Variants in S1PR3 observed in about 807,000 individuals in gnomAD.
The protein encoded by S1PR3 is sphingosine 1-phosphate receptor 3.
In S1PR3, 12 loss-of-function variants were observed where a neutral mutation model predicts 13.3. The ratio of observed to expected loss-of-function variants is 0.90; its 90% CI spans 0.58 to 1.46. The LOEUF (loss-of-function observed/expected upper bound fraction) is 1.46, where lower values mean the gene tolerates loss of function less well. S1PR3 is among the 40% of genes most tolerant of loss of function. The pLI is 0.00. For synonymous variants in S1PR3, 232 were observed against 214.0 expected (o/e 1.08, Z -0.73); for missense variants, 450 against 501.9 (o/e 0.90, Z 0.99).
Position 88,991,506 on chromosome 9 carries a change from G to C in S1PR3, c.-337G>C. The C allele has an allele frequency of 1.9e-6, 3 of 1,548,030 alleles. No homozygotes were observed. Among genetic ancestry groups the C allele is most frequent in the Non-Finnish European group, 2.6e-6 (3 of 1,146,012 alleles). On this transcript the variant is annotated 5_prime_UTR_variant, in exon 1 of 2. Transcript: ENST00000358157. The surrounding 1 kb of genome is among the most constrained non-coding windows in gnomAD (Gnocchi z 4.0). ...GCCGGTTCCGGGGACGGGCAACAGG[G>C]ACTCAGGGACCAGAAGGCGGCTGCA...
At position 88,991,903 on chromosome 9, in the gene S1PR3, ACAACGGG is replaced by A. The variant is rs1188817448; in HGVS notation, c.-148+210_-148+216del. ...CTTTTCCACCGCACCCGGAGCGTTT[ACAACGGG>A]CTGGAGCTGAATACCTGGATGAAAG... On this transcript the variant is annotated intron_variant, in intron 1 of 1. Coordinates refer to ENST00000358157, the MANE Select transcript of S1PR3 (RefSeq NM_005226.4). The surrounding 1 kb of genome is among the most constrained non-coding windows in gnomAD (Gnocchi z 4.0). The A allele has an allele frequency of 6.2e-7, 1 of 1,614,192 alleles. No homozygotes were observed. The highest frequency in any genetic ancestry group is 2.2e-5 in the East Asian group (1 of 44,872).
At chr9:88,991,415 G>C, upstream of S1PR3, 1 of 1,520,836 alleles carries the variant, frequency 6.6e-7, no homozygotes, top group Non-Finnish European at 8.9e-7. This position sits in a 1 kb window ranked among gnomAD's most constrained non-coding sequence, Gnocchi z 4.0. Flanking sequence ...GGCGGAGCGC[G>C]GGTCCCGCCC....
intron 1 of S1PR3, chr9:88,993,999 T>G (rs540483038): frequency 6.0e-6 from 1 of 167,008 alleles, no homozygotes; most frequent in South Asian, 2.1e-4. Flanking sequence ...GCTTCAAAAT[T>G]TTCCAGATAT....
chr9:88,991,388 G>GGGAGA, upstream of S1PR3: 1 of 1,424,404 alleles, frequency 7.0e-7, no homozygotes, highest in Non-Finnish European at 9.5e-7. The surrounding 1 kb of genome is among the most constrained non-coding windows in gnomAD (Gnocchi z 4.0). Context: ...GCGGGAGTCG[G>GGGAGA]GGGCGGCGAG....
chr9:88,992,084 T>G (rs1408715069), intron 1 of S1PR3: 9 of 1,540,956 alleles, frequency 5.8e-6, no homozygotes, highest in Non-Finnish European at 7.9e-6. Context: ...TAAACAATAT[T>G]CGCCGGAAAA....
chr9:88,991,393 G>C, upstream of S1PR3: 1 of 1,448,906 alleles, frequency 6.9e-7, no homozygotes, highest in Non-Finnish European at 9.3e-7. The surrounding 1 kb of genome is among the most constrained non-coding windows in gnomAD (Gnocchi z 4.0). Flanking sequence ...AGTCGGGGGC[G>C]GCGAGGGGAG....
intron 1 of S1PR3, chr9:88,999,348 A>G (rs920329311): frequency 9.2e-5 from 14 of 152,412 alleles, no homozygotes; most frequent in African/African-American, 3.1e-4. Context: ...CAGAAAATCC[A>G]GGTCCCCCAA....
rs1199642704 is a variant in S1PR3 at position 89,002,496 on chromosome 9, C to A, written c.*159C>A. ...CTTACAGAGGGGGCCCAAGGAATCA[C>A]CACCCCGCTTCAGTGTAAACAACGT... On this transcript the variant is annotated 3_prime_UTR_variant, in exon 2 of 2. Transcript: ENST00000358157. The A allele has an allele frequency of 1.2e-5, 10 of 836,982 alleles. No individual in the cohort carries two copies. The highest frequency in any genetic ancestry group is 1.7e-5 in the Non-Finnish European group (9 of 537,760). 51.8% of individuals were successfully genotyped at this position (836,982 alleles called of 1,614,324 possible).
At position 89,004,086 on chromosome 9, in the gene S1PR3, G is replaced by C. The variant is rs1015672881; in HGVS notation, c.*1749G>C. 6.0e-6 allele frequency: 1 copy of C among 165,786 alleles called. No individual in the cohort carries two copies. Among genetic ancestry groups the C allele is most frequent in the Non-Finnish European group, 1.5e-5 (1 of 68,100 alleles). The allele number at this position is 165,786 out of a possible 1,614,324, so 10.3% of individuals were successfully genotyped here. On this transcript the variant is annotated 3_prime_UTR_variant, in exon 2 of 2. Coordinates refer to ENST00000358157, the MANE Select transcript of S1PR3 (RefSeq NM_005226.4). ...CAGGGCATTTCTAGGACAGTAAAAC[G>C]TTAAAGTACTGGATTAAGAAAACAA...
chr9:89,001,122 C>A lies in S1PR3; in HGVS notation c.-79C>A. 1.3e-6 allele frequency: 2 copies of A among 1,519,420 alleles called. No homozygotes were observed. Among genetic ancestry groups the A allele is most frequent in the Non-Finnish European group, 8.9e-7 (1 of 1,118,092 alleles). 94.1% of individuals were successfully genotyped at this position (1,519,420 alleles called of 1,614,324 possible). ...TTGCTGAATGAAGCCGGAACCTCAG[C>A]CCCGCTTCCCTTTGAAATGAATGTT... On this transcript the variant is annotated 5_prime_UTR_variant, in exon 2 of 2. Transcript: ENST00000358157.
chr9:88,992,326 T>C (rs1825732148), intron 1 of S1PR3: 1 of 360,410 alleles, frequency 2.8e-6, no homozygotes, highest in Non-Finnish European at 5.1e-6. Context: ...CTTTGGACAC[T>C]CCCAATGGTA....
Position 89,001,850 on chromosome 9 carries a change from G to A in S1PR3, c.650G>A (p.Arg217His). 2.5e-6 allele frequency: 4 copies of A among 1,614,190 alleles called. No homozygotes were observed. The highest frequency in any genetic ancestry group is 1.3e-5 in the African/African-American group (1 of 75,042). Residue 217 changes from arginine (R) to histidine (H), a missense_variant, in exon 2 of 2, where the codon CGC (arginine) becomes CAC (histidine). Transcript: ENST00000358157. ...GTGACCATCGTGATCCTCTACGCAC[G>A]CATCTACTTCCTGGTGAAGTCCAGC... is the stretch of plus-strand genomic sequence containing the variant. ...ILVTIVILYARIYFLVKSSSR... is the reference protein window; with the variant it reads ...ILVTIVILYAHIYFLVKSSSR...
At chr9:88,993,143 G>A (rs1437103393) in intron 1 of S1PR3, 4 of 152,518 alleles carry the variant, frequency 2.6e-5, no homozygotes, top group Non-Finnish European at 5.9e-5. Flanking sequence ...ACAAAGGGTA[G>A]AGACTACAGT....
Position 88,991,940 on chromosome 9 carries a change from G to A in S1PR3, c.-148+245G>A. 6.2e-7 allele frequency: 1 copy of A among 1,614,266 alleles called. No homozygotes were observed. The highest frequency in any genetic ancestry group is 8.5e-7 in the Non-Finnish European group (1 of 1,180,048). Reference sequence around the variant, plus strand: ...AGCTGAATACCTGGATGAAAGTGGAGAGGCTGTTCGTGGAGAAGTTCCATC... The same window carrying A: ...AGCTGAATACCTGGATGAAAGTGGAAAGGCTGTTCGTGGAGAAGTTCCATC... On this transcript the variant is annotated intron_variant, in intron 1 of 1. Coordinates refer to ENST00000358157, the MANE Select transcript of S1PR3 (RefSeq NM_005226.4). The surrounding 1 kb of genome is among the most constrained non-coding windows in gnomAD (Gnocchi z 4.0).
rs546398741 is a variant in S1PR3, at chr9:89,001,418, G to A, written c.218G>A (p.Arg73His). 3 of 1,614,184 alleles carry A rather than the reference G, an allele frequency of 1.9e-6. No homozygotes were observed. Among genetic ancestry groups the A allele is most frequent in the South Asian group, 1.1e-5 (1 of 91,086 alleles). The change falls in exon 2 of 2, where the codon CGC becomes CAC. Residue 73 changes from arginine to histidine, a missense_variant. Physicochemically the swap from Arg to His is conservative, Grantham distance 29. Coordinates refer to ENST00000358157, the MANE Select transcript of S1PR3 (RefSeq NM_005226.4). ...TGGAAAAACAATAAATTTCACAACC[G>A]CATGTACTTTTTCATTGGCAACCTG... is the stretch of plus-strand genomic sequence containing the variant. ...AIWKNNKFHN[R>H]MYFFIGNLAL...
chr9:89,001,389 C>T lies in S1PR3; in HGVS notation c.189C>T (p.Ala63=), dbSNP rs781097409. 6 of 1,614,064 alleles carry T rather than the reference C, an allele frequency of 3.7e-6. No individual in the cohort carries two copies. The highest frequency in any genetic ancestry group is 5.1e-6 in the Non-Finnish European group (6 of 1,180,044). Residue 63 remains alanine, a synonymous_variant, in exon 2 of 2, where the codon GCC becomes GCT. Transcript: ENST00000358157. ...TGGAGAACCTGATGGTTTTGATTGC[C>T]ATCTGGAAAAACAATAAATTTCACA... ...IVLENLMVLI[A]IWKNNKFHNR...
At position 89,002,333 on chromosome 9, in the gene S1PR3, A is replaced by G. The variant is rs1825880299; in HGVS notation, c.1133A>G (p.Asn378Ser). The change falls in exon 2 of 2, where the codon AAC (asparagine) becomes AGC (serine). Residue 378 changes from asparagine to serine, a missense_variant. Coordinates refer to ENST00000358157, the MANE Select transcript of S1PR3 (RefSeq NM_005226.4). ...NAALQNGIFCN is the reference protein window; with the variant it reads ...NAALQNGIFCS ...GCACTTCAGAATGGGATCTTCTGCA[A>G]CTGATCGTCTCCATGCGCCCTGCTC... 6.2e-7 allele frequency: 1 copy of G among 1,613,780 alleles called. No individual in the cohort carries two copies. Among genetic ancestry groups the G allele is most frequent in the East Asian group, 2.2e-5 (1 of 44,864 alleles).
At position 89,002,006 on chromosome 9, in the gene S1PR3, G is replaced by A. The variant is rs376917575; in HGVS notation, c.806G>A (p.Cys269Tyr). 6.2e-7 allele frequency: 1 copy of A among 1,613,990 alleles called. No homozygotes were observed. The highest frequency in any genetic ancestry group is 8.5e-7 in the Non-Finnish European group (1 of 1,180,030). Residue 269 changes from cysteine (C) to tyrosine (Y), a missense_variant, in exon 2 of 2, where the codon TGC (cysteine) becomes TAC (tyrosine). By Grantham distance (194) the Cys-to-Tyr change is radical (BLOSUM62 -2). Coordinates refer to ENST00000358157, the MANE Select transcript of S1PR3 (RefSeq NM_005226.4). ...LFILFLIDVA[C>Y]RVQACPILFK... Reference sequence around the variant, plus strand: ...ATCCTCTTCCTCATTGATGTGGCCTGCAGGGTGCAGGCGTGCCCCATCCTC... The same window carrying A: ...ATCCTCTTCCTCATTGATGTGGCCTACAGGGTGCAGGCGTGCCCCATCCTC...
intron 1 of S1PR3, 122 bp from the exon 2 acceptor site, chr9:89,000,932 T>C (rs1302282929): frequency 6.0e-6 from 3 of 503,864 alleles, no homozygotes; most frequent in Non-Finnish European, 1.1e-5. Context: ...CTCTGCAGCC[T>C]GACGTGGCTA....
Sources: gnomAD v4.1 joint callset for allele counts on GRCh38, gnomAD v4.1.1 for gene constraint, Gnocchi (gnomAD v3.1) non-coding constraint, MANE v1.5 for transcripts, NCBI Gene and HGNC (gene_info 2026-07-23, HGNC 2026-07-21) for gene names.